The following NOTCH1 variants were observed in gnomAD, a reference collection of about 807,000 sequenced individuals.
The protein encoded by NOTCH1 is notch receptor 1, also known as neurogenic locus notch homolog protein 1.
A neutral mutation model predicts 254.8 loss-of-function variants in NOTCH1; 37 were observed. That is an observed-to-expected ratio of 0.15 (90% CI 0.11 to 0.19). The LOEUF is 0.19. Ranked by LOEUF, NOTCH1 falls within the 10% of genes least tolerant of loss-of-function variation. The pLI, the probability that NOTCH1 is intolerant of heterozygous loss-of-function variation, is 1.00. For synonymous variants in NOTCH1, 1,731 were observed against 1,618.1 expected, an observed-to-expected ratio of 1.07 and a Z score of -1.68; for missense variants, 2,972 against 3,708.6, an observed-to-expected ratio of 0.80 and a Z score of 5.16.
Position 136,496,074 on chromosome 9 carries a change from C to T in NOTCH1, c.7665G>A (p.Lys2555=), listed in dbSNP as rs2133313619. The stretch of plus-strand genomic sequence containing the variant: ...GGGGTCTCGTGGGGCGCGCCGTTTA[C>T]TTGAAGGCCTCCGGAATGCGGGCGA... The part of the protein sequence containing the change: ...SQIARIPEAF[K] Residue 2555 remains lysine, a synonymous_variant, in exon 34 of 34, where the codon AAG becomes AAA. Transcript: ENST00000651671. The T allele has an allele frequency of 6.2e-7, 1 of 1,602,100 alleles. No individual in the cohort carries two copies. The highest frequency in any genetic ancestry group is 8.5e-7 in the Non-Finnish European group (1 of 1,178,614).
chr9:136,543,932 A>T, intron 2 of NOTCH1, 92 bp downstream of exon 2: 1 of 1,216,582 alleles, frequency 8.2e-7, no homozygotes, highest in Non-Finnish European at 1.2e-6. Flanking sequence ...TCTCCAGAAG[A>T]CAATGGCCTA....
chr9:136,536,645 C>T (rs891367337), intron 2 of NOTCH1, among the ~76,000 whole-genome samples: 1 of 152,232 alleles, frequency 6.6e-6, no homozygotes, highest in Non-Finnish European at 1.5e-5. Context: ...GGAAGCTGCT[C>T]CGTGGTGGGC....
chr9:136,498,970 C>T lies in NOTCH1; in HGVS notation c.6109G>A (p.Ala2037Thr). The change falls in exon 33 of 34, where the codon GCC becomes ACC. Residue 2037 changes from alanine to threonine, a missense_variant. By Grantham distance (58) the Ala-to-Thr change is moderately conservative (BLOSUM62 0). Coordinates refer to ENST00000651671, the MANE Select transcript of NOTCH1 (RefSeq NM_017617.5). Reference protein sequence around the residue: ...LGKSALHWAAAVNNVDAAVVL... With the variant: ...LGKSALHWAATVNNVDAAVVL... ...ACTGCGGCATCCACATTGTTCACGG[C>T]GGCGGCCCAGTGCAGGGCGGACTTG... 2 of 1,613,550 alleles carry T rather than the reference C, an allele frequency of 1.2e-6. No homozygotes were observed. The highest frequency in any genetic ancestry group is 8.5e-7 in the Non-Finnish European group (1 of 1,180,002).
rs1843716323 is a variant in NOTCH1, at chr9:136,540,388, C to T, written c.140+3636G>A. ...AGCCATCCTGGGAGATGGACTTCCC[C>T]AGAGCCGGCAAGTCCCTCCCCAGGC... On this transcript the variant is annotated intron_variant, in intron 2 of 33. Transcript: ENST00000651671. This position sits in a 1 kb window ranked among gnomAD's most constrained non-coding sequence, Gnocchi z 4.4. 1.3e-5 allele frequency among the ~76,000 whole-genome samples: 2 copies of T among 152,006 alleles called. No individual in the cohort carries two copies. Among genetic ancestry groups the T allele is most frequent in the Non-Finnish European group, 2.9e-5 (2 of 67,964 alleles).
intron 30 of NOTCH1, among the ~76,000 whole-genome samples, 198 bp downstream of exon 30, chr9:136,501,550 A>C (rs969627706): frequency 2.6e-5 from 4 of 152,150 alleles, no homozygotes; most frequent in African/African-American, 4.8e-5. Context: ...GTATCACCCC[A>C]GGAAGGGGTT....
At chr9:136,511,597 G>A (rs936598419) in intron 15 of NOTCH1, among the ~76,000 whole-genome samples, 1 of 152,212 alleles carries the variant, frequency 6.6e-6, no homozygotes, top group African/African-American at 2.4e-5. Context: ...AGGAGAGGCG[G>A]CCTCAGTCGG....
intron 2 of NOTCH1, among the ~76,000 whole-genome samples, chr9:136,541,643 G>A (rs1388120071): frequency 6.6e-6 from 1 of 152,220 alleles, no homozygotes; most frequent in Non-Finnish European, 1.5e-5. Flanking sequence ...GCAGGAACGG[G>A]AAGGCAGAGG....
intron 13 of NOTCH1, 128 bp downstream of exon 13, chr9:136,514,382 C>T: frequency 1.9e-6 from 2 of 1,038,580 alleles, no homozygotes; most frequent in African/African-American, 1.6e-5. Context: ...GGGGAGCTCC[C>T]TGCCACCCAG....
chr9:136,542,059 G>C (rs1289341540), intron 2 of NOTCH1, among the ~76,000 whole-genome samples: 1 of 152,234 alleles, frequency 6.6e-6, no homozygotes, highest in Non-Finnish European at 1.5e-5. Context: ...GAATGGGAAA[G>C]TGGGCCCATG....
chr9:136,543,513 G>A (rs937969237), intron 2 of NOTCH1: 9 of 285,844 alleles, frequency 3.1e-5, no homozygotes, highest in South Asian at 2.0e-4. Flanking sequence ...GGCATCACCC[G>A]CCCAGGAGGT....
intron 2 of NOTCH1, among the ~76,000 whole-genome samples, chr9:136,528,304 C>G (rs1395710741): frequency 7.5e-6 from 1 of 134,162 alleles, no homozygotes; most frequent in East Asian, 2.2e-4. Context: ...GCACCCGCCA[C>G]AGGAACCAGA....
At chr9:136,512,105 G>T (rs939973490) in intron 15 of NOTCH1, among the ~76,000 whole-genome samples, 49 of 152,338 alleles carry the variant, frequency 3.2e-4, no homozygotes, top group Admixed American at 2.5e-3. Flanking sequence ...GCAGGAAGCG[G>T]GCAGATAGGA....
At chr9:136,500,996 G>A (rs533422708) in intron 30 of NOTCH1, 149 bp from the exon 31 acceptor site, 4 of 910,932 alleles carry the variant, frequency 4.4e-6, no homozygotes, top group South Asian at 3.4e-5. Context: ...CCACCAAGGG[G>A]CAGCTGAAGT....
chr9:136,524,293 A>G (rs1310729706), intron 2 of NOTCH1, among the ~76,000 whole-genome samples: 1 of 152,180 alleles, frequency 6.6e-6, no homozygotes. Context: ...GTGACAGAGC[A>G]AGACTCAAAA....
rs538923649 is a variant in NOTCH1 at position 136,506,384 on chromosome 9, A to G, written c.4014+143T>C. ...GTCTCTAAAATCATTTATTGAAACT[A>G]AAAAAAAAAAAAAGACATCAGGGTG... On this transcript the variant is annotated intron_variant, in intron 24 of 33. Coordinates refer to ENST00000651671, the MANE Select transcript of NOTCH1 (RefSeq NM_017617.5). The surrounding 1 kb of genome is among the most constrained non-coding windows in gnomAD (Gnocchi z 4.5). The G allele has an allele frequency of 7.9e-6, 1 of 126,676 alleles. No homozygotes were observed. The highest frequency in any genetic ancestry group is 1.5e-5 in the Non-Finnish European group (1 of 68,428). The allele number at this position is 126,676 out of a possible 1,614,324, so 7.8% of individuals were successfully genotyped here. A position where few individuals can be genotyped will look rare whatever the true frequency, so the allele number is the denominator to read the frequency against.
intron 15 of NOTCH1, 75 bp from the exon 16 acceptor site, chr9:136,511,346 T>C: frequency 6.6e-7 from 1 of 1,521,582 alleles, no homozygotes. Flanking sequence ...CGCCTGCTGG[T>C]CTTTCCGCCA....
intron 6 of NOTCH1, 137 bp downstream of exon 6, chr9:136,518,454 C>G: frequency 1.8e-6 from 2 of 1,113,232 alleles, no homozygotes; most frequent in Non-Finnish European, 2.6e-6. Flanking sequence ...CTCACAGCGA[C>G]CACCGGCCTC....
At position 136,504,868 on chromosome 9, in the gene NOTCH1, C is replaced by G. The variant is rs76371972; in HGVS notation, c.4823G>C (p.Arg1608Pro). ...RVLHTNVVFK[R>P]DAHGQQMIFP... Reference sequence around the variant, plus strand: ...GATCATCTGCTGGCCGTGTGCGTCACGCTTGAAGACCACGTTGGTGTGCAG... The same window carrying G: ...GATCATCTGCTGGCCGTGTGCGTCAGGCTTGAAGACCACGTTGGTGTGCAG... The change falls in exon 26 of 34, where the codon CGT (arginine) becomes CCT (proline). Residue 1608 changes from arginine to proline, a missense_variant. Transcript: ENST00000651671. 6.3e-7 allele frequency: 1 copy of G among 1,583,284 alleles called. No individual in the cohort carries two copies. Among genetic ancestry groups the G allele is most frequent in the South Asian group, 1.2e-5 (1 of 86,862 alleles).
intron 2 of NOTCH1, among the ~76,000 whole-genome samples, chr9:136,536,133 G>T (rs564369883): frequency 6.6e-6 from 1 of 152,104 alleles, no homozygotes; most frequent in African/African-American, 2.4e-5. Flanking sequence ...TGCTAGGACC[G>T]CCTATAACCG....
Sources: allele counts gnomAD v4.1 joint callset (sites outside exome capture counted in the v4.1 genomes callset), GRCh38; gene constraint gnomAD v4.1.1; non-coding constraint Gnocchi (gnomAD v3.1); transcripts MANE v1.5; gene names NCBI Gene and HGNC (gene_info 2026-07-23, HGNC 2026-07-21).